The following MCC variants were observed in gnomAD, a reference collection of about 807,000 sequenced individuals.
MCC encodes MCC regulator of Wnt signaling pathway.
In MCC, 90 loss-of-function variants were observed where a neutral mutation model predicts 116.2. That is an observed-to-expected ratio of 0.77 (90% CI 0.65 to 0.92). The LOEUF is 0.92. Among genes scored for constraint, MCC ranks in the 40% least tolerant of loss-of-function variants. The pLI is 0.00. For synonymous variants in MCC, 578 were observed against 510.5 expected (o/e 1.13, Z -1.78); for missense variants, 1,516 against 1,312.2 (o/e 1.16, Z -2.40).
chr5:113,043,735 T>C, intron 16 of MCC, 105 bp from the exon 17 acceptor site: 1 of 760,096 alleles, frequency 1.3e-6, no homozygotes, highest in Non-Finnish European at 2.2e-6. Context: ...ATGGCAGCAG[T>C]GTGGGCACCG....
At chr5:113,125,283 GAGA>G (rs1757978113) in intron 5 of MCC, among the ~76,000 whole-genome samples, 1 of 152,182 alleles carries the variant, frequency 6.6e-6, no homozygotes, top group African/African-American at 2.4e-5. Context: ...CAGATAAAAT[GAGA>G]AGAAGAGAAA....
intron 3 of MCC, among the ~76,000 whole-genome samples, chr5:113,200,777 T>C (rs890835849): frequency 2.6e-5 from 4 of 152,216 alleles, no homozygotes; most frequent in Non-Finnish European, 5.9e-5. Flanking sequence ...TGAAACCAGA[T>C]GGTGCCCAGG....
At chr5:113,280,937 T>C (rs1766024368) in intron 3 of MCC, among the ~76,000 whole-genome samples, 3 of 152,176 alleles carry the variant, frequency 2.0e-5, no homozygotes, top group Admixed American at 1.3e-4. Context: ...TGGAAGAGCC[T>C]AGGGCTTAGG....
chr5:113,431,562 G>C (rs1770645018), intron 1 of MCC, among the ~76,000 whole-genome samples: 1 of 152,110 alleles, frequency 6.6e-6, no homozygotes, highest in South Asian at 2.1e-4. Context: ...GTGGGTGAAG[G>C]GCTTCCTGGG....
At chr5:113,215,945 C>T (rs189660682) in intron 3 of MCC, among the ~76,000 whole-genome samples, 20 of 152,288 alleles carry the variant, frequency 1.3e-4, no homozygotes, top group Admixed American at 5.9e-4. Flanking sequence ...CCACCAATCG[C>T]TTTGTTGTTC....
chr5:113,402,293 C>CAAAAA (rs371884386), intron 1 of MCC, among the ~76,000 whole-genome samples: 9 of 96,604 alleles, frequency 9.3e-5, no homozygotes, highest in African/African-American at 2.2e-4. Flanking sequence ...GACTCCGTCT[C>CAAAAA]AAAAAAAAAA....
intron 3 of MCC, among the ~76,000 whole-genome samples, chr5:113,301,416 G>A (rs1766859130): frequency 6.6e-6 from 1 of 151,524 alleles, no homozygotes; most frequent in Non-Finnish European, 1.5e-5. Flanking sequence ...GGCGAGCCGA[G>A]ATCACGCCAT....
chr5:113,130,137 A>G (rs1370955682), intron 5 of MCC, among the ~76,000 whole-genome samples: 1 of 152,258 alleles, frequency 6.6e-6, no homozygotes, highest in African/African-American at 2.4e-5. Flanking sequence ...CATATATACC[A>G]TGGAATACTA....
chr5:113,304,114 A>C (rs1766926056), intron 3 of MCC, among the ~76,000 whole-genome samples: 2 of 152,146 alleles, frequency 1.3e-5, no homozygotes, highest in Admixed American at 1.3e-4. Flanking sequence ...AGGATTAGAG[A>C]ATCTGGGCTG....
chr5:113,487,116 C>A (rs1306100367), intron 1 of MCC, among the ~76,000 whole-genome samples: 1 of 151,808 alleles, frequency 6.6e-6, no homozygotes, highest in Non-Finnish European at 1.5e-5. Flanking sequence ...TAAAAATTCA[C>A]CTAAGAATGA....
chr5:113,376,586 C>T (rs1485175020), intron 2 of MCC, among the ~76,000 whole-genome samples: 3 of 151,830 alleles, frequency 2.0e-5, no homozygotes, highest in African/African-American at 4.8e-5. Flanking sequence ...CACACACACA[C>T]ACACACACAC....
chr5:113,434,310 C>A lies in MCC; in HGVS notation c.171-49098G>T. 1 of 1,614,048 alleles carries A rather than the reference C, an allele frequency of 6.2e-7. No homozygotes were observed. The highest frequency in any genetic ancestry group is 1.1e-5 in the South Asian group (1 of 91,074). ...CTCTGGGGCCGCATACGCTGGTGACCCACAGAAGGTCTTGCTTAATGCCAT... is the reference window on the plus strand; with the variant it reads ...CTCTGGGGCCGCATACGCTGGTGACACACAGAAGGTCTTGCTTAATGCCAT... On this transcript the variant is annotated intron_variant, in intron 1 of 18. Coordinates refer to ENST00000408903, the MANE Select transcript of MCC (RefSeq NM_001085377.2). This position sits in a 1 kb window ranked among gnomAD's most constrained non-coding sequence, Gnocchi z 4.2.
At chr5:113,193,572 T>C (rs1581233015) in intron 3 of MCC, among the ~76,000 whole-genome samples, 1 of 152,196 alleles carries the variant, frequency 6.6e-6, no homozygotes, top group Admixed American at 6.5e-5. Context: ...CTTGTCAGGA[T>C]AGTGTTTGTG....
intron 16 of MCC, 74 bp downstream of exon 16, chr5:113,049,019 G>T: frequency 7.1e-7 from 1 of 1,410,810 alleles, no homozygotes; most frequent in Non-Finnish European, 1.0e-6. Context: ...GCGGTGAGGT[G>T]TGGCCAGTGG....
chr5:113,100,528 G>A (rs976340015), intron 8 of MCC, among the ~76,000 whole-genome samples: 1 of 129,280 alleles, frequency 7.7e-6, no homozygotes, highest in Non-Finnish European at 1.5e-5. Context: ...CTGGAGTGCA[G>A]TGGTGCGATC....
intron 8 of MCC, among the ~76,000 whole-genome samples, chr5:113,092,663 T>C (rs913324357): frequency 3.3e-5 from 5 of 152,082 alleles, no homozygotes; most frequent in Non-Finnish European, 7.4e-5. Context: ...CAAAGAAAAT[T>C]AAACCTGAGA....
chr5:113,301,263 C>G (rs1766855047), intron 3 of MCC, among the ~76,000 whole-genome samples: 1 of 152,118 alleles, frequency 6.6e-6, no homozygotes, highest in Non-Finnish European at 1.5e-5. Flanking sequence ...GTCGGGAGTT[C>G]AAGACCAGCC....
intron 3 of MCC, among the ~76,000 whole-genome samples, chr5:113,277,237 G>A (rs894217199): frequency 4.6e-5 from 7 of 151,492 alleles, no homozygotes; most frequent in Admixed American, 2.0e-4. Context: ...ACATCATGGC[G>A]GGCACCTGTA....
At chr5:113,260,257 T>C (rs1196329789) in intron 3 of MCC, among the ~76,000 whole-genome samples, 1 of 152,178 alleles carries the variant, frequency 6.6e-6, no homozygotes, top group Admixed American at 6.5e-5. Flanking sequence ...AAAATACTTT[T>C]AAAAATAATC....
Sources: gnomAD v4.1 joint callset for allele counts (sites outside exome capture counted in the v4.1 genomes callset) on GRCh38, gnomAD v4.1.1 for gene constraint, Gnocchi (gnomAD v3.1) non-coding constraint, MANE v1.5 for transcripts, NCBI Gene and HGNC (gene_info 2026-07-23, HGNC 2026-07-21) for gene names.